Variants in EDC3 observed in about 807,000 individuals in gnomAD.
EDC3 encodes the protein enhancer of mRNA decapping 3, also known as enhancer of mRNA-decapping protein 3.
A neutral mutation model predicts 41.8 loss-of-function variants in EDC3; 20 were observed. That is an observed-to-expected ratio of 0.48 (90% confidence interval 0.34 to 0.70). The LOEUF (loss-of-function observed/expected upper bound fraction) is 0.70, where lower values mean the gene tolerates loss of function less well. Among genes scored for constraint, EDC3 ranks in the 30% least tolerant of loss-of-function variants. The pLI is 0.01. For missense variants in EDC3, 444 were observed against 636.8 expected, an observed-to-expected ratio of 0.70 and a Z score of 3.26; for synonymous variants, 206 against 243.2, an observed-to-expected ratio of 0.85 and a Z score of 1.42.
At chr15:74,672,581 C>T (rs1447195334) in intron 2 of EDC3, among the ~76,000 whole-genome samples, 3 of 151,972 alleles carry the variant, frequency 2.0e-5, no homozygotes, top group Non-Finnish European at 4.4e-5. Flanking sequence ...TTTGGGAGGC[C>T]GAGGCAGGCG....
At chr15:74,646,369 G>A (rs992533253) in intron 4 of EDC3, among the ~76,000 whole-genome samples, 5 of 152,114 alleles carry the variant, frequency 3.3e-5, no homozygotes, top group East Asian at 1.9e-4. Flanking sequence ...CACTGTGTCC[G>A]GCCCCCCAGT....
At chr15:74,691,588 G>C (rs575979195) in intron 1 of EDC3, among the ~76,000 whole-genome samples, 154 of 152,184 alleles carry the variant, frequency 1.0e-3, no homozygotes, top group Non-Finnish European at 1.6e-3. Flanking sequence ...ATGTCCGTAG[G>C]GGGTACACAA....
At chr15:74,643,064 C>T (rs542378866) in intron 4 of EDC3, 1 of 152,302 alleles carries the variant, frequency 6.6e-6, no homozygotes, top group East Asian at 1.9e-4. Context: ...CTGACTGTTC[C>T]TCTGAAAGGA....
At position 74,671,087 on chromosome 15, in the gene EDC3, A is replaced by C. The variant is rs2062733042; in HGVS notation, c.484+368T>G. On this transcript the variant is annotated intron_variant, in intron 3 of 6. Coordinates refer to ENST00000315127, the MANE Select transcript of EDC3 (RefSeq NM_025083.5). The surrounding 1 kb of genome is among the most constrained non-coding windows in gnomAD (Gnocchi z 4.6). ...CACTATTTTGCCCAGACTAGCCTTGAACTCCTGGGCTCAAACAATCCTCCT... is the reference window on the plus strand; with the variant it reads ...CACTATTTTGCCCAGACTAGCCTTGCACTCCTGGGCTCAAACAATCCTCCT... 6.6e-6 allele frequency among the ~76,000 whole-genome samples: 1 copy of C among 151,668 alleles called. No individual in the cohort carries two copies. The highest frequency in any genetic ancestry group is 1.5e-5 in the Non-Finnish European group (1 of 67,922).
chr15:74,641,826 C>T (rs1316561868), intron 4 of EDC3: 2 of 153,076 alleles, frequency 1.3e-5, no homozygotes, highest in African/African-American at 4.8e-5. Flanking sequence ...GTTCCAGCTA[C>T]ACTTATCAAC....
chr15:74,667,311 T>C (rs149399423), intron 3 of EDC3, among the ~76,000 whole-genome samples: 1 of 152,034 alleles, frequency 6.6e-6, no homozygotes, highest in Non-Finnish European at 1.5e-5. Context: ...TGGTTAAATA[T>C]ACACACATAT....
At chr15:74,633,471 G>C (rs1567150717) in intron 6 of EDC3, among the ~76,000 whole-genome samples, 1 of 152,200 alleles carries the variant, frequency 6.6e-6, no homozygotes, top group Non-Finnish European at 1.5e-5. Flanking sequence ...ACTCTAGCAA[G>C]CCTGTCCCCT....
chr15:74,656,397 C>T (rs934308557), intron 3 of EDC3, among the ~76,000 whole-genome samples: 1 of 135,310 alleles, frequency 7.4e-6, no homozygotes, highest in Non-Finnish European at 1.6e-5. Context: ...GAGCAAGAAT[C>T]TGTCTCAAAA....
At chr15:74,690,872 A>C (rs1005835821) in intron 1 of EDC3, among the ~76,000 whole-genome samples, 4 of 152,188 alleles carry the variant, frequency 2.6e-5, no homozygotes, top group African/African-American at 9.7e-5. Flanking sequence ...CAGCACGGTG[A>C]AAAGAGAATA....
At chr15:74,678,868 C>T (rs967872071) in intron 1 of EDC3, among the ~76,000 whole-genome samples, 5 of 135,838 alleles carry the variant, frequency 3.7e-5, no homozygotes, top group African/African-American at 8.6e-5. Context: ...ACAGCTTGGG[C>T]GACAGAGCGA....
At chr15:74,686,356 G>A (rs2062937494) in intron 1 of EDC3, among the ~76,000 whole-genome samples, 2 of 150,434 alleles carry the variant, frequency 1.3e-5, no homozygotes, top group East Asian at 2.0e-4. Context: ...GCATGGTGGT[G>A]CATGCCTGTA....
rs2062434028 is a variant in EDC3 at position 74,647,797 on chromosome 15, ATT to A, written c.821-7180_821-7179del. 2.6e-5 allele frequency among the ~76,000 whole-genome samples: 4 copies of A among 152,216 alleles called. No homozygotes were observed. In the South Asian group the frequency reaches 8.3e-4, roughly 32 times the overall value. On this transcript the variant is annotated intron_variant, in intron 4 of 6. Transcript: ENST00000315127. ...GGAAGTCTGCCTGCTGGAGACACAA[ATT>A]TAGAAACTAGGCTCATTAGCTGTGT...
At chr15:74,683,210 T>A (rs1330567102) in intron 1 of EDC3, among the ~76,000 whole-genome samples, 1 of 152,006 alleles carries the variant, frequency 6.6e-6, no homozygotes, top group Admixed American at 6.6e-5. Flanking sequence ...ATTCCATTTG[T>A]GTAACATTCT....
intron 4 of EDC3, among the ~76,000 whole-genome samples, chr15:74,651,306 C>T (rs552875379): frequency 1.1e-4 from 17 of 152,294 alleles, no homozygotes; most frequent in African/African-American, 3.4e-4. Flanking sequence ...TCTGATGATC[C>T]GTGACTGCGG....
chr15:74,687,527 G>A (rs2062952950), intron 1 of EDC3, among the ~76,000 whole-genome samples: 2 of 152,058 alleles, frequency 1.3e-5, no homozygotes, highest in Non-Finnish European at 2.9e-5. Flanking sequence ...ACAGGCGCCC[G>A]CCACCACACC....
rs1175725695 is a variant in EDC3 at position 74,631,471 on chromosome 15, G to T, written c.*1141C>A. On this transcript the variant is annotated 3_prime_UTR_variant, in exon 7 of 7. Coordinates refer to ENST00000315127, the MANE Select transcript of EDC3 (RefSeq NM_025083.5). Reference sequence around the variant, plus strand: ...GAACCCACACCAGCTAGCTCATCCAGAACTAGCCTCATTTTGCCATCTTTG... The same window carrying T: ...GAACCCACACCAGCTAGCTCATCCATAACTAGCCTCATTTTGCCATCTTTG... 1 of 152,286 alleles carries T rather than the reference G, an allele frequency of 6.6e-6. No individual in the cohort carries two copies. Among genetic ancestry groups the T allele is most frequent in the African/African-American group, 2.4e-5 (1 of 41,454 alleles). The allele number at this position is 152,286 out of a possible 1,614,324, so 9.4% of individuals were successfully genotyped here. A position where few individuals can be genotyped will look rare whatever the true frequency, so the allele number is the denominator to read the frequency against.
intron 1 of EDC3, among the ~76,000 whole-genome samples, chr15:74,677,791 G>A (rs1001745398): frequency 1.3e-5 from 2 of 152,154 alleles, no homozygotes; most frequent in Non-Finnish European, 2.9e-5. Flanking sequence ...AAATCTGCAC[G>A]TGGATGTTTA....
intron 1 of EDC3, among the ~76,000 whole-genome samples, chr15:74,692,423 C>A (rs1197607331): frequency 6.6e-6 from 1 of 152,162 alleles, no homozygotes; most frequent in Admixed American, 6.5e-5. Flanking sequence ...CTGGTAAATT[C>A]TATGAAACAC....
chr15:74,679,756 C>T (rs1306451801), intron 1 of EDC3: 1 of 80,920 alleles, frequency 1.2e-5, no homozygotes, highest in Admixed American at 1.7e-4. Flanking sequence ...CTTATTTCTA[C>T]CAAAAAAAAA....
Sources: allele counts gnomAD v4.1 joint callset (sites outside exome capture counted in the v4.1 genomes callset), GRCh38; gene constraint gnomAD v4.1.1; non-coding constraint Gnocchi (gnomAD v3.1); transcripts MANE v1.5; gene names NCBI Gene and HGNC (gene_info 2026-07-23, HGNC 2026-07-21).